The following ZMYM3 variants were observed in gnomAD, a reference collection of about 807,000 sequenced individuals.
The protein encoded by ZMYM3 is zinc finger MYM-type protein 3.
A neutral mutation model predicts 94.2 loss-of-function variants in ZMYM3; 6 were observed. The ratio of observed to expected loss-of-function variants is 0.06; its 90% CI spans 0.03 to 0.13. The LOEUF is 0.13. Ranked by LOEUF, ZMYM3 falls within the 10% of genes least tolerant of loss-of-function variation. ZMYM3 has a pLI of 1.00. For synonymous variants in ZMYM3, 420 were observed against 426.5 expected (o/e 0.98, Z 0.19); for missense variants, 664 against 1,132.6 (o/e 0.59, Z 5.94).
At position 71,240,553 on chromosome X, in the gene ZMYM3, C is replaced by A; in HGVS notation, c.*363G>T. On this transcript the variant is annotated 3_prime_UTR_variant, in exon 25 of 25. Transcript: ENST00000314425. Reference sequence around the variant, plus strand: ...CATGCCTAGGAACAAGAGGCTCTACCTATGCGGGATGGGTCAGGAAACCCA... The same window carrying A: ...CATGCCTAGGAACAAGAGGCTCTACATATGCGGGATGGGTCAGGAAACCCA... The A allele has an allele frequency of 6.3e-6, 1 of 159,227 alleles. No homozygotes were observed. 13.1% of individuals were successfully genotyped at this position (159,227 alleles called of 1,213,427 possible).
At chrX:71,246,940 A>G (rs969600717) in intron 13 of ZMYM3, among the ~76,000 whole-genome samples, 4 of 111,511 alleles carry the variant, frequency 3.6e-5, no homozygotes, top group Non-Finnish European at 5.6e-5. Flanking sequence ...CCTTCCACTT[A>G]GATAGCCTGA....
chrX:71,247,761 C>T lies in ZMYM3; in HGVS notation c.2121G>A (p.Lys707=). 1.7e-6 allele frequency: 2 copies of T among 1,211,576 alleles called. No homozygotes were observed. Among genetic ancestry groups the T allele is most frequent in the Admixed American group, 2.2e-5 (1 of 46,006 alleles). The change falls in exon 12 of 25, where the codon AAG becomes AAA. Residue 707 remains lysine, a synonymous_variant. Coordinates refer to ENST00000314425, the MANE Select transcript of ZMYM3 (RefSeq NM_201599.3). Reference sequence around the variant, plus strand: ...TGCAGTACCACAGCAGGTACTTGCTCTTACAGTCCTCACTGCAGAAGTCCC... The same window carrying T: ...TGCAGTACCACAGCAGGTACTTGCTTTTACAGTCCTCACTGCAGAAGTCCC... The part of the protein sequence containing the change: ...STWDFCSEDC[K]SKYLLWYCKA...
At position 71,240,326 on chromosome X, in the gene ZMYM3, C is replaced by T. The variant is rs1360336549; in HGVS notation, c.*590G>A. 1.8e-5 allele frequency: 2 copies of T among 112,016 alleles called. No individual in the cohort carries two copies. The highest frequency in any genetic ancestry group is 6.5e-5 in the African/African-American group (2 of 30,699). The allele number at this position is 112,016 out of a possible 1,213,427, so 9.2% of individuals were successfully genotyped here. On this transcript the variant is annotated 3_prime_UTR_variant, in exon 25 of 25. Transcript: ENST00000314425. ...GCTTGCCGAGGGGGTGAGGGATATG[C>T]GGTGGTGAGATGGTGCCAACAACCA...
chrX:71,252,195 A>G (rs2030513590), intron 2 of ZMYM3, among the ~76,000 whole-genome samples: 1 of 110,834 alleles, frequency 9.0e-6, no homozygotes, highest in Non-Finnish European at 1.9e-5. Flanking sequence ...AAACCCAGAA[A>G]TCCCACTCCC....
chrX:71,243,231 C>A (rs2030021968), intron 21 of ZMYM3, 147 bp from the exon 22 acceptor site: 3 of 485,359 alleles, frequency 6.2e-6, no homozygotes, highest in Admixed American at 3.5e-5. Flanking sequence ...GAGTGCTTTC[C>A]CCCAGGTATA....
At chrX:71,250,339 C>A in intron 5 of ZMYM3, 93 bp downstream of exon 5, 1 of 1,103,287 alleles carries the variant, frequency 9.1e-7, no homozygotes, top group East Asian at 3.2e-5. Flanking sequence ...TCGCCCAGCT[C>A]CATCCTGCTA....
intron 22 of ZMYM3, 27 bp downstream of exon 22, chrX:71,242,943 A>T: frequency 8.7e-6 from 10 of 1,151,493 alleles, no homozygotes; most frequent in Non-Finnish European, 1.2e-5. Context: ...GAAAGCGGGT[A>T]GGGGTTGCTA....
chrX:71,243,709 G>A, intron 21 of ZMYM3, 120 bp downstream of exon 21: 3 of 950,898 alleles, frequency 3.2e-6, no homozygotes, highest in Non-Finnish European at 4.4e-6. Flanking sequence ...TCCTGCCTCA[G>A]CCTCCCAAAG....
At chrX:71,246,780 G>A (rs1041428178) in intron 13 of ZMYM3, 88 bp from the exon 14 acceptor site, 9 of 900,129 alleles carry the variant, frequency 1.0e-5, no homozygotes, top group Admixed American at 3.0e-5. Context: ...TCATTAACAG[G>A]TACACCAAAT....
At position 71,249,647 on chromosome X, in the gene ZMYM3, T is replaced by C; in HGVS notation, c.1284A>G (p.Val428=). The change falls in exon 7 of 25, where the codon GTA becomes GTG. Residue 428 remains valine, a synonymous_variant. Coordinates refer to ENST00000314425, the MANE Select transcript of ZMYM3 (RefSeq NM_201599.3). Reference sequence around the variant, plus strand: ...AGCAAGAATCGCTGCAGAGCCGGTGTACCACGCTGCCATTGCTGACCTCGT... The same window carrying C: ...AGCAAGAATCGCTGCAGAGCCGGTGCACCACGCTGCCATTGCTGACCTCGT... The part of the protein sequence containing the change: ...VLHEVSNGSV[V]HRLCSDSCFS... The C allele has an allele frequency of 1.7e-6, 2 of 1,211,430 alleles. No homozygotes were observed. The highest frequency in any genetic ancestry group is 2.2e-6 in the Non-Finnish European group (2 of 895,374).
rs1261186731 is a variant in ZMYM3 at position 71,244,826 on chromosome X, C to T, written c.3075G>A (p.Val1025=). The T allele has an allele frequency of 8.3e-7, 1 of 1,206,494 alleles. No individual in the cohort carries two copies. Among genetic ancestry groups the T allele is most frequent in the Non-Finnish European group, 1.1e-6 (1 of 893,574 alleles). Residue 1025 remains valine (V), a synonymous_variant, in exon 19 of 25, where the codon GTG becomes GTA. Transcript: ENST00000314425. ...TTCGGGGAAGGTCTTGTTCAGTAGA[C>T]ACATCCTCAGGCCCTACCAGGCCAC... ...FDCGLVGPED[V]STEQDLPRTM...
At chrX:71,245,314 T>C (rs1569222861) in intron 18 of ZMYM3, 25 bp downstream of exon 18, 1 of 1,204,758 alleles carries the variant, frequency 8.3e-7, no homozygotes. Context: ...CCATACTCAG[T>C]GGGCATGGCT....
chrX:71,253,271 TG>T lies in ZMYM3; in HGVS notation c.-17del, dbSNP rs1477341300. On this transcript the variant is annotated splice_region_variant and 5_prime_UTR_variant, in exon 2 of 25. Transcript: ENST00000314425. The stretch of plus-strand genomic sequence containing the variant: ...TGGGGTCCATGAGTATGGCTGGATA[TG>T]TACTGCAGATTAGGAGTAGAAGAGG... 8.8e-7 allele frequency: 1 copy of T among 1,138,376 alleles called. No individual in the cohort carries two copies. Among genetic ancestry groups the T allele is most frequent in the East Asian group, 3.0e-5 (1 of 32,951 alleles). The allele number at this position is 1,138,376 out of a possible 1,213,427, so 93.8% of individuals were successfully genotyped here.
chrX:71,252,535 T>C (rs867169662), intron 2 of ZMYM3, 54 bp downstream of exon 2: 2 of 1,106,730 alleles, frequency 1.8e-6, no homozygotes, highest in Middle Eastern at 5.1e-4. Flanking sequence ...TAGCCACCCC[T>C]CCTTACCACC....
At chrX:71,248,930 C>T in intron 8 of ZMYM3, 89 bp downstream of exon 8, 1 of 1,159,946 alleles carries the variant, frequency 8.6e-7, no homozygotes, top group Non-Finnish European at 1.2e-6. Flanking sequence ...GGACTGAGGT[C>T]GGGCAGCAAG....
intron 21 of ZMYM3, 102 bp from the exon 22 acceptor site, chrX:71,243,186 G>T: frequency 1.5e-6 from 1 of 684,725 alleles, no homozygotes; most frequent in Non-Finnish European, 2.2e-6. Context: ...ATCATTAGGA[G>T]ACGATGGGAA....
Position 71,240,950 on chromosome X carries a change from T to C in ZMYM3, c.4079A>G (p.Glu1360Gly). Residue 1360 changes from glutamate (E) to glycine (G), a missense_variant, in exon 25 of 25, where the codon GAA becomes GGA. By Grantham distance (98) the Glu-to-Gly change is moderately conservative. Coordinates refer to ENST00000314425, the MANE Select transcript of ZMYM3 (RefSeq NM_201599.3). ...RILAVREIYE[E>G]LGRPGEEDLD Reference sequence around the variant, plus strand: ...GTCTTCCTCCCCAGGACGACCCAGTTCCTCATAAATCTCGCGCACAGCCAG... The same window carrying C: ...GTCTTCCTCCCCAGGACGACCCAGTCCCTCATAAATCTCGCGCACAGCCAG... 8.3e-7 allele frequency: 1 copy of C among 1,211,187 alleles called. No individual in the cohort carries two copies. Among genetic ancestry groups the C allele is most frequent in the Non-Finnish European group, 1.1e-6 (1 of 895,294 alleles).
chrX:71,253,958 A>C (rs1474062814), intron 1 of ZMYM3, 71 bp downstream of exon 1: 2 of 102,601 alleles, frequency 1.9e-5, no homozygotes, highest in South Asian at 4.8e-4. Context: ...AGACCCCCCC[A>C]CCACCGCCTC....
chrX:71,241,083 C>A lies in ZMYM3; in HGVS notation c.3946G>T (p.Asp1316Tyr). The A allele has an allele frequency of 1.7e-6, 2 of 1,209,347 alleles. No homozygotes were observed. Among genetic ancestry groups the A allele is most frequent in the Non-Finnish European group, 1.1e-6 (1 of 894,444 alleles). Residue 1316 changes from aspartate to tyrosine, a missense_variant, in exon 25 of 25, where the codon GAT becomes TAT. Coordinates refer to ENST00000314425, the MANE Select transcript of ZMYM3 (RefSeq NM_201599.3). The stretch of plus-strand genomic sequence containing the variant: ...CGTTCAGGTTGCAGGTAGAACACAT[C>A]GTTGCGAGTCCGGAGGCTTTCAGGA... ...KCPESLRTRN[D>Y]VFYLQPERSC...
Sources: allele counts gnomAD v4.1 joint callset (sites outside exome capture counted in the v4.1 genomes callset), GRCh38; gene constraint gnomAD v4.1.1; transcripts MANE v1.5; gene names NCBI Gene and HGNC (gene_info 2026-07-23, HGNC 2026-07-21).